NKAIN2: variants seen among roughly 807,000 people sequenced by gnomAD.
NKAIN2 encodes the protein sodium/potassium transporting ATPase interacting 2.
Under a neutral mutation model 32.6 loss-of-function variants are expected in NKAIN2, and 14 were observed. That is an observed-to-expected ratio of 0.43 (90% CI 0.28 to 0.67). NKAIN2 has a LOEUF of 0.67. Ranked by LOEUF, NKAIN2 falls within the 30% of genes least tolerant of loss-of-function variation. The pLI is 0.17. For synonymous variants in NKAIN2, 80 were observed against 87.2 expected (o/e 0.92, Z 0.46); for missense variants, 198 against 258.3 (o/e 0.77, Z 1.60).
intron 1 of NKAIN2, among the ~76,000 whole-genome samples, chr6:124,098,617 TC>T (rs1784744507): frequency 6.6e-6 from 1 of 152,096 alleles, no homozygotes; most frequent in Non-Finnish European, 1.5e-5. Context: ...ACACCTGTAA[TC>T]CCAGCACTTT....
In NKAIN2 at chr6:123,901,009, C is replaced by T. The variant is rs546097110; in HGVS notation, c.54+96755C>T. ...GTTGAGATGTTACACTTTTGATTTACCCTGCGTATCATTCCATTGTCCTCT... is the reference window on the plus strand; with the variant it reads ...GTTGAGATGTTACACTTTTGATTTATCCTGCGTATCATTCCATTGTCCTCT... On this transcript the variant is annotated intron_variant, in intron 1 of 6. Coordinates refer to ENST00000368417, the MANE Select transcript of NKAIN2 (RefSeq NM_001040214.3). Among the ~76,000 whole-genome samples, 56 of 152,198 alleles carry T rather than the reference C, an allele frequency of 3.7e-4. 1 individual carries two copies. In the Middle Eastern group the frequency reaches 0.014, roughly 37 times the overall value.
chr6:124,450,804 A>G (rs962042503), intron 3 of NKAIN2, among the ~76,000 whole-genome samples: 14 of 152,062 alleles, frequency 9.2e-5, no homozygotes, highest in African/African-American at 2.7e-4. Context: ...TTTGACCCAA[A>G]TAACTACATT....
chr6:124,627,324 A>G (rs1448332663), intron 3 of NKAIN2, among the ~76,000 whole-genome samples: 1 of 152,170 alleles, frequency 6.6e-6, no homozygotes, highest in Non-Finnish European at 1.5e-5. Context: ...TAACTATGAG[A>G]AATGCATTTT....
At chr6:124,339,201 C>T (rs1014316242) in intron 2 of NKAIN2, among the ~76,000 whole-genome samples, 8 of 152,028 alleles carry the variant, frequency 5.3e-5, no homozygotes, top group African/African-American at 1.4e-4. Flanking sequence ...AGTAGCCGGG[C>T]GTGGTGGCGC....
intron 1 of NKAIN2, among the ~76,000 whole-genome samples, chr6:124,218,753 C>G (rs1407045631): frequency 6.6e-6 from 1 of 152,122 alleles, no homozygotes; most frequent in Non-Finnish European, 1.5e-5. Flanking sequence ...ATCATCTAAT[C>G]TGACCTACTT....
intron 3 of NKAIN2, among the ~76,000 whole-genome samples, chr6:124,623,039 A>C (rs1369876570): frequency 6.6e-6 from 1 of 152,004 alleles, no homozygotes; most frequent in African/African-American, 2.4e-5. Context: ...GCCCTCTTCT[A>C]CCCAGCATTT....
At chr6:124,091,671 TC>T (rs939121366) in intron 1 of NKAIN2, among the ~76,000 whole-genome samples, 1 of 151,426 alleles carries the variant, frequency 6.6e-6, no homozygotes, top group African/African-American at 2.4e-5. Flanking sequence ...ATTTTTTTTT[TC>T]CCCCCAGCTC....
chr6:124,058,130 T>G (rs1353283120), intron 1 of NKAIN2, among the ~76,000 whole-genome samples: 1 of 151,414 alleles, frequency 6.6e-6, no homozygotes, highest in Non-Finnish European at 1.5e-5. Flanking sequence ...TTAGGAACTC[T>G]GAAGAAAACT....
rs1406589308 is a variant in NKAIN2 at position 124,180,222 on chromosome 6, A to G, written c.55-102783A>G. ...TGCTGCCAATAAAGACTTACCTGAG[A>G]CTGGGTAATTTAACAAGGAAAGAGG... On this transcript the variant is annotated intron_variant, in intron 1 of 6. Coordinates refer to ENST00000368417, the MANE Select transcript of NKAIN2 (RefSeq NM_001040214.3). Among the ~76,000 whole-genome samples, 4 of 152,184 alleles carry G rather than the reference A, an allele frequency of 2.6e-5. 1 individual carries two copies. The highest frequency in any genetic ancestry group is 9.7e-5 in the African/African-American group (4 of 41,442).
intron 4 of NKAIN2, among the ~76,000 whole-genome samples, chr6:124,729,174 T>C (rs1776512510): frequency 6.6e-6 from 1 of 151,998 alleles, no homozygotes; most frequent in Non-Finnish European, 1.5e-5. Flanking sequence ...TTCCAATCAA[T>C]AGAAAAAGAG....
At chr6:123,854,713 T>C (rs954882920) in intron 1 of NKAIN2, among the ~76,000 whole-genome samples, 3 of 152,116 alleles carry the variant, frequency 2.0e-5, no homozygotes, top group South Asian at 2.1e-4. Context: ...TTCATCTTAA[T>C]TGAGAAGAGC....
chr6:124,719,146 C>T (rs1007697218), intron 4 of NKAIN2, among the ~76,000 whole-genome samples: 6 of 151,714 alleles, frequency 4.0e-5, no homozygotes, highest in Non-Finnish European at 7.4e-5. Context: ...TGTTTTTTTC[C>T]ATAATATTCT....
rs1189056572 is a variant in NKAIN2 at position 124,754,467 on chromosome 6, CT to C, written c.475-36864del. ...AAAAAGCAGGCAAACGACATGAACACTTTTTTTTCCATATGATTGTTGGCCA... is the reference window on the plus strand; with the variant it reads ...AAAAAGCAGGCAAACGACATGAACACTTTTTTTCCATATGATTGTTGGCCA... On this transcript the variant is annotated intron_variant, in intron 4 of 6. Coordinates refer to ENST00000368417, the MANE Select transcript of NKAIN2 (RefSeq NM_001040214.3). 2.4e-5 allele frequency among the ~76,000 whole-genome samples: 3 copies of C among 125,298 alleles called. No homozygotes were observed. The East Asian group carries it at 7.6e-4, about 32-fold the overall frequency. 82.2% of individuals were successfully genotyped at this position (125,298 alleles called of 152,430 possible).
chr6:124,707,270 T>C (rs1053119195), intron 4 of NKAIN2, among the ~76,000 whole-genome samples: 8 of 152,162 alleles, frequency 5.3e-5, no homozygotes, highest in African/African-American at 1.9e-4. Context: ...TTCCAAGTCT[T>C]TGCTACTGTG....
At chr6:124,387,803 A>G (rs984144440) in intron 3 of NKAIN2, among the ~76,000 whole-genome samples, 9 of 152,216 alleles carry the variant, frequency 5.9e-5, no homozygotes, top group Non-Finnish European at 1.3e-4. Flanking sequence ...ATATCTCTGC[A>G]TCTGTACTCC....
chr6:124,211,979 T>C (rs978233932), intron 1 of NKAIN2, among the ~76,000 whole-genome samples: 3 of 152,114 alleles, frequency 2.0e-5, no homozygotes, highest in African/African-American at 7.2e-5. Flanking sequence ...GGCTTTCTTC[T>C]ATTGGAATAT....
chr6:124,036,700 A>G (rs1160300209), intron 1 of NKAIN2, among the ~76,000 whole-genome samples: 2 of 152,126 alleles, frequency 1.3e-5, no homozygotes, highest in Non-Finnish European at 2.9e-5. Context: ...CCCATTTTTG[A>G]GAGACTGGGA....
intron 4 of NKAIN2, among the ~76,000 whole-genome samples, chr6:124,745,791 T>G (rs1777424994): frequency 1.3e-5 from 2 of 151,858 alleles, no homozygotes; most frequent in African/African-American, 4.8e-5. Context: ...AGTGTGCAAA[T>G]CCATGTAAAT....
rs74605208 is a variant in NKAIN2 at position 124,049,425 on chromosome 6, C to T, written c.55-233580C>T. 2.9e-3 allele frequency among the ~76,000 whole-genome samples: 447 copies of T among 151,972 alleles called. 1 individual carries two copies. The highest frequency in any genetic ancestry group is 1.0e-2 in the African/African-American group (413 of 41,484). On this transcript the variant is annotated intron_variant, in intron 1 of 6. Transcript: ENST00000368417. ...ATCTCTTCCAGATGTTTAGAGCTCCCCCGGGTTTATGAAGAGAACCTGAAG... is the reference window on the plus strand; with the variant it reads ...ATCTCTTCCAGATGTTTAGAGCTCCTCCGGGTTTATGAAGAGAACCTGAAG...
Sources: allele counts gnomAD v4.1 joint callset (sites outside exome capture counted in the v4.1 genomes callset), GRCh38; gene constraint gnomAD v4.1.1; transcripts MANE v1.5; gene names NCBI Gene and HGNC (gene_info 2026-07-23, HGNC 2026-07-21).